The following CELF2 variants were observed in gnomAD, a reference collection of about 807,000 sequenced individuals.
CELF2 encodes CUGBP Elav-like family member 2, also known as CUG triplet repeat RNA-binding protein 2.
CELF2 carries 8 observed loss-of-function variants against 62.6 expected under a neutral mutation model. That is an observed-to-expected ratio of 0.13 (90% CI 0.07 to 0.23). CELF2 has a LOEUF of 0.23. Ranked by LOEUF, CELF2 falls within the 10% of genes least tolerant of loss-of-function variation. CELF2 has a pLI of 1.00. For synonymous variants in CELF2, 258 were observed against 250.0 expected (o/e 1.03, Z -0.30); for missense variants, 333 against 671.0 (o/e 0.50, Z 5.56).
rs1236880701 is a variant in CELF2 at position 11,178,738 on chromosome 10, A to T, written c.271+13056A>T. Among the ~76,000 whole-genome samples the T allele has an allele frequency of 6.6e-6, 1 of 152,202 alleles. No individual in the cohort carries two copies. The highest frequency in any genetic ancestry group is 6.5e-5 in the Admixed American group (1 of 15,288). ...GGAGGGCCTGCCACATGTCTTCCAGACGGCTAGAATGCTCAGGAGATAAGA... is the reference window on the plus strand; with the variant it reads ...GGAGGGCCTGCCACATGTCTTCCAGTCGGCTAGAATGCTCAGGAGATAAGA... On this transcript the variant is annotated intron_variant, in intron 2 of 12. Coordinates refer to ENST00000633077, the MANE Select transcript of CELF2 (RefSeq NM_001326342.2). This position sits in a 1 kb window ranked among gnomAD's most constrained non-coding sequence, Gnocchi z 4.3.
At position 11,318,590 on chromosome 10, in the gene CELF2, G is replaced by T; in HGVS notation, c.1097-2599G>T. The T allele has an allele frequency of 2.7e-6, 1 of 373,214 alleles. No homozygotes were observed. The allele number at this position is 373,214 out of a possible 1,614,324, so 23.1% of individuals were successfully genotyped here. ...GGAGCCAGGAGAGAAGGATGTGGCT[G>T]GAATGTCACTGGCTGGAGCTCCAAG... On this transcript the variant is annotated intron_variant, in intron 10 of 12. Coordinates refer to ENST00000633077, the MANE Select transcript of CELF2 (RefSeq NM_001326342.2). The surrounding 1 kb of genome is among the most constrained non-coding windows in gnomAD (Gnocchi z 5.4).
intron 1 of CELF2, among the ~76,000 whole-genome samples, chr10:11,091,771 G>A (rs1354987301): frequency 2.0e-5 from 3 of 152,148 alleles, no homozygotes; most frequent in African/African-American, 7.2e-5. Flanking sequence ...TACCATGAAT[G>A]ACTAAACATG....
intron 3 of CELF2, among the ~76,000 whole-genome samples, chr10:11,236,521 A>G (rs7898145): frequency 3.3e-5 from 5 of 152,226 alleles, no homozygotes; most frequent in Non-Finnish European, 5.9e-5. Context: ...TGAAACTAGT[A>G]AATACTGCAG....
At chr10:10,987,380 T>C (rs2052894083) in intron 2 of CELF2, among the ~76,000 whole-genome samples, 1 of 152,080 alleles carries the variant, frequency 6.6e-6, no homozygotes, top group Non-Finnish European at 1.5e-5. Context: ...AACTAAGGCG[T>C]ATATATACAC....
intron 3 of CELF2, among the ~76,000 whole-genome samples, chr10:11,230,765 T>C (rs1256458563): frequency 6.6e-6 from 1 of 152,184 alleles, no homozygotes; most frequent in Non-Finnish European, 1.5e-5. Context: ...TGAATGGAAA[T>C]GCTGCTATTT....
intron 1 of CELF2, among the ~76,000 whole-genome samples, chr10:10,841,849 T>A (rs775546949): frequency 1.3e-5 from 2 of 152,112 alleles, no homozygotes; most frequent in Non-Finnish European, 2.9e-5. Flanking sequence ...GGATTCTTAC[T>A]GAAATTGCAT....
intron 12 of CELF2, among the ~76,000 whole-genome samples, chr10:11,326,263 A>G (rs975087853): frequency 6.6e-6 from 1 of 152,250 alleles, no homozygotes; most frequent in African/African-American, 2.4e-5. Flanking sequence ...CAGGTTTAGT[A>G]CAATTCAGAC....
Position 11,033,257 on chromosome 10 carries a change from A to AT in CELF2, c.74+15114dup, listed in dbSNP as rs199975812. Among the ~76,000 whole-genome samples, 767 of 139,102 alleles carry AT rather than the reference A, an allele frequency of 5.5e-3. 3 individuals carry two copies. The highest frequency in any genetic ancestry group is 7.5e-3 in the African/African-American group (277 of 36,822). The allele number at this position is 139,102 out of a possible 152,430, so 91.3% of individuals were successfully genotyped here. The stretch of plus-strand genomic sequence containing the variant: ...CAAATACTGTCTCAATGTTCAGGGC[A>AT]TTTTTTTTTTTTTTTTTTTTAGACA... On this transcript the variant is annotated intron_variant, in intron 1 of 12. Coordinates refer to ENST00000633077, the MANE Select transcript of CELF2 (RefSeq NM_001326342.2).
At position 11,331,345 on chromosome 10, in the gene CELF2, G is replaced by GA. The variant is rs35204802; in HGVS notation, c.*2304dup. 2,113 of 136,154 alleles carry GA rather than the reference G, an allele frequency of 0.016. 34 individuals are homozygous for GA. Among genetic ancestry groups the GA allele is most frequent in the Middle Eastern group, 0.066 (16 of 244 alleles). The allele number at this position is 136,154 out of a possible 1,614,324, so 8.4% of individuals were successfully genotyped here. On this transcript the variant is annotated 3_prime_UTR_variant, in exon 13 of 13. Coordinates refer to ENST00000633077, the MANE Select transcript of CELF2 (RefSeq NM_001326342.2). ...TGCTTAAAAAAAATTTCATGTGAGG[G>GA]AAAAAAAAAAAACCTATTCCAGAAT...
intron 2 of CELF2, among the ~76,000 whole-genome samples, chr10:11,170,315 C>T (rs2068457615): frequency 6.6e-6 from 1 of 152,186 alleles, no homozygotes. Flanking sequence ...AGCGCCTGCC[C>T]TCAGACTTCT....
chr10:10,620,089 T>C, the CELF2 span, among the ~76,000 whole-genome samples: 4 of 152,246 alleles, frequency 2.6e-5, no homozygotes, highest in Non-Finnish European at 5.9e-5. Flanking sequence ...ATGTTTCTAA[T>C]ACTTCCTATC....
chr10:10,574,704 GT>G, the CELF2 span, among the ~76,000 whole-genome samples: 1 of 151,150 alleles, frequency 6.6e-6, no homozygotes, highest in Admixed American at 6.6e-5. Context: ...ATGTTTTTTT[GT>G]TTTTGTTTTG....
rs141656631 is a variant in CELF2 at position 11,275,016 on chromosome 10, C to T, written c.778-41C>T. On this transcript the variant is annotated intron_variant, in intron 7 of 12. Transcript: ENST00000633077. The stretch of plus-strand genomic sequence containing the variant: ...CCAGTTTAATGAGGGAGTTACTTTG[C>T]TCTCACCGTCTCCACTTTGCCCTTG... 9.5e-5 allele frequency: 151 copies of T among 1,593,238 alleles called. No individual in the cohort carries two copies. The East Asian group carries it at 3.2e-3, about 33-fold the overall frequency.
chr10:11,130,493 C>T (rs2059453253), intron 1 of CELF2, among the ~76,000 whole-genome samples: 1 of 152,222 alleles, frequency 6.6e-6, no homozygotes, highest in Non-Finnish European at 1.5e-5. Context: ...TTATCACTCT[C>T]TGCTTTGCAC....
chr10:11,334,820 G>A lies in CELF2; in HGVS notation c.*5767G>A, dbSNP rs1417958081. On this transcript the variant is annotated 3_prime_UTR_variant, in exon 13 of 13. Coordinates refer to ENST00000633077, the MANE Select transcript of CELF2 (RefSeq NM_001326342.2). The stretch of plus-strand genomic sequence containing the variant: ...CTTAGACACTAATCACTTTCTAAAA[G>A]AAGTGAGTTCTCCAGGGAAGAAAAA... The A allele has an allele frequency of 2.0e-5, 3 of 152,186 alleles. No individual in the cohort carries two copies. Among genetic ancestry groups the A allele is most frequent in the African/African-American group, 7.2e-5 (3 of 41,452 alleles). The allele number at this position is 152,186 out of a possible 1,614,324, so 9.4% of individuals were successfully genotyped here. A position where few individuals can be genotyped will look rare whatever the true frequency, so the allele number is the denominator to read the frequency against.
chr10:11,335,955 G>A lies in CELF2; in HGVS notation c.*6902G>A, dbSNP rs992633904. On this transcript the variant is annotated 3_prime_UTR_variant, in exon 13 of 13. Coordinates refer to ENST00000633077, the MANE Select transcript of CELF2 (RefSeq NM_001326342.2). This position sits in a 1 kb window ranked among gnomAD's most constrained non-coding sequence, Gnocchi z 5.0. ...CCTTTAAGCACTTACTGACTGTAAA[G>A]TTGGTCCCTGCTTAAATTCATACCC... 4 of 152,242 alleles carry A rather than the reference G, an allele frequency of 2.6e-5. No individual in the cohort carries two copies. The highest frequency in any genetic ancestry group is 9.6e-5 in the African/African-American group (4 of 41,452). The allele number at this position is 152,242 out of a possible 1,614,324, so 9.4% of individuals were successfully genotyped here. A position where few individuals can be genotyped will look rare whatever the true frequency, so the allele number is the denominator to read the frequency against.
At chr10:10,535,651 G>A in the CELF2 span, among the ~76,000 whole-genome samples, 867 of 152,170 alleles carry the variant, frequency 5.7e-3, 38 homozygotes, top group East Asian at 0.12. Flanking sequence ...CCCTGGAGGC[G>A]GAGGCTGCAG....
chr10:10,885,052 G>A (rs945590393), intron 1 of CELF2, among the ~76,000 whole-genome samples: 1 of 152,114 alleles, frequency 6.6e-6, no homozygotes, highest in Non-Finnish European at 1.5e-5. Flanking sequence ...GACTAGCCTG[G>A]CCAACATGGT....
the CELF2 span, among the ~76,000 whole-genome samples, chr10:10,471,131 C>G: frequency 6.6e-6 from 1 of 151,306 alleles, no homozygotes; most frequent in African/African-American, 2.4e-5. Context: ...GCCCAATAAT[C>G]AATATATATT....
Sources: allele counts gnomAD v4.1 joint callset (sites outside exome capture counted in the v4.1 genomes callset), GRCh38; gene constraint gnomAD v4.1.1; non-coding constraint Gnocchi (gnomAD v3.1); transcripts MANE v1.5; gene names NCBI Gene and HGNC (gene_info 2026-07-23, HGNC 2026-07-21).